Variants in TRIO observed in about 807,000 individuals in gnomAD.
TRIO encodes the protein triple functional domain protein.
TRIO carries 58 observed loss-of-function variants against 351.9 expected under a neutral mutation model. The observed-to-expected ratio is 0.16, with a 90% CI of 0.13 to 0.21. The LOEUF is 0.21. Among genes scored for constraint, TRIO ranks in the 10% least tolerant of loss-of-function variants. TRIO has a pLI of 1.00. For missense variants in TRIO, 3,201 were observed against 4,027.8 expected (o/e 0.79, Z 5.56); for synonymous variants, 1,758 against 1,595.7 (o/e 1.10, Z -2.42).
chr5:14,300,819 C>G (rs918483300), intron 7 of TRIO, among the ~76,000 whole-genome samples: 2 of 152,256 alleles, frequency 1.3e-5, no homozygotes, highest in South Asian at 4.1e-4. Context: ...TTCACACTTG[C>G]ATTAATATTC....
intron 10 of TRIO, among the ~76,000 whole-genome samples, chr5:14,334,409 C>A (rs552479802): frequency 6.6e-6 from 1 of 152,134 alleles, no homozygotes; most frequent in Non-Finnish European, 1.5e-5. Flanking sequence ...GGCTGTTTCA[C>A]GTCTCAGATC....
At position 14,502,513 on chromosome 5, in the gene TRIO, C is replaced by T. The variant is rs565896198; in HGVS notation, c.8333-66C>T. The T allele has an allele frequency of 1.2e-4, 182 of 1,552,632 alleles. No individual in the cohort carries two copies. In the African/African-American group the frequency reaches 2.0e-3, roughly 17 times the overall value. ...AGCTGCTGTGAGGGACAGTGCGTGG[C>T]GATAGCCTTCTTACCCAAGAAGCTC... On this transcript the variant is annotated intron_variant, in intron 53 of 56. Transcript: ENST00000344204.
chr5:14,462,647 A>T, intron 35 of TRIO, 108 bp from the exon 36 acceptor site: 1 of 1,447,568 alleles, frequency 6.9e-7, no homozygotes, highest in Non-Finnish European at 9.4e-7. Flanking sequence ...TTTGTTCCTG[A>T]TTTCTGCCAT....
chr5:14,481,704 G>A, intron 45 of TRIO, 86 bp downstream of exon 45: 1 of 1,354,830 alleles, frequency 7.4e-7, no homozygotes, highest in Non-Finnish European at 1.0e-6. Flanking sequence ...CATAGAGAAA[G>A]CTGATCCTTT....
At chr5:14,226,119 C>G (rs1793007618) in intron 1 of TRIO, among the ~76,000 whole-genome samples, 1 of 152,048 alleles carries the variant, frequency 6.6e-6, no homozygotes, top group South Asian at 2.1e-4. Context: ...ACAGGAGAGG[C>G]AAGGAGGTGG....
At chr5:14,479,761 G>A (rs1755375482) in intron 42 of TRIO, among the ~76,000 whole-genome samples, 158 bp from the exon 43 acceptor site, 1 of 152,144 alleles carries the variant, frequency 6.6e-6, no homozygotes, top group Admixed American at 6.5e-5. Context: ...TGTAAAACTT[G>A]GAAATTCTGT....
chr5:14,318,025 G>A (rs1739528074), intron 9 of TRIO, among the ~76,000 whole-genome samples: 2 of 152,140 alleles, frequency 1.3e-5, no homozygotes, highest in Admixed American at 6.5e-5. Context: ...TATTTGGAAG[G>A]CTGAGGCAGG....
chr5:14,221,570 T>A (rs1247114787), intron 1 of TRIO, among the ~76,000 whole-genome samples: 2 of 152,170 alleles, frequency 1.3e-5, no homozygotes, highest in Non-Finnish European at 2.9e-5. Flanking sequence ...AAGAAGGTGA[T>A]TCCAGTCTCG....
Position 14,394,842 on chromosome 5 carries a change from GTATTT to G in TRIO, c.4311+719_4311+723del, listed in dbSNP as rs1747425424. Among the ~76,000 whole-genome samples the G allele has an allele frequency of 3.9e-5, 6 of 152,068 alleles. No individual in the cohort carries two copies. The South Asian group carries it at 1.2e-3, about 32-fold the overall frequency. On this transcript the variant is annotated intron_variant, in intron 28 of 56. Transcript: ENST00000344204. Reference sequence around the variant, plus strand: ...TTTGTGCTAAGAGTTGTCACAAAATGTATTTTATTTTTATATTATATATCATCAAT... The same window carrying G: ...TTTGTGCTAAGAGTTGTCACAAAATGTATTTTTATATTATATATCATCAAT...
intron 48 of TRIO, among the ~76,000 whole-genome samples, chr5:14,491,584 A>G (rs1354071897): frequency 2.0e-5 from 3 of 152,074 alleles, no homozygotes; most frequent in Admixed American, 6.5e-5. Context: ...TGGGACAAAC[A>G]CTGCCGTTTG....
At chr5:14,358,550 T>G (rs1256623284) in intron 12 of TRIO, among the ~76,000 whole-genome samples, 1 of 152,190 alleles carries the variant, frequency 6.6e-6, no homozygotes, top group Non-Finnish European at 1.5e-5. Context: ...CCTTACAGTT[T>G]TAACTTCATA....
intron 7 of TRIO, among the ~76,000 whole-genome samples, chr5:14,298,878 C>T (rs904308771): frequency 6.6e-6 from 1 of 152,162 alleles, no homozygotes; most frequent in Non-Finnish European, 1.5e-5. Context: ...ACTGCTTCAG[C>T]GTAAATAAAA....
intron 31 of TRIO, among the ~76,000 whole-genome samples, chr5:14,404,956 C>T (rs577982402): frequency 2.0e-4 from 30 of 151,852 alleles, no homozygotes; most frequent in African/African-American, 3.4e-4. Flanking sequence ...TGAGTTATGA[C>T]GGGTTAATTA....
intron 20 of TRIO, 54 bp from the exon 21 acceptor site, chr5:14,381,076 G>A: frequency 6.4e-7 from 1 of 1,558,530 alleles, no homozygotes; most frequent in Non-Finnish European, 8.6e-7. Context: ...GGGGCTTTGG[G>A]CTCCTCTCAG....
intron 11 of TRIO, among the ~76,000 whole-genome samples, chr5:14,337,957 A>G (rs944823300): frequency 5.9e-5 from 9 of 152,214 alleles, no homozygotes; most frequent in African/African-American, 1.9e-4. Flanking sequence ...AAACTGGCAC[A>G]GCTAACTTCT....
At chr5:14,389,228 C>T in intron 24 of TRIO, 61 bp from the exon 25 acceptor site, 1 of 1,277,570 alleles carries the variant, frequency 7.8e-7, no homozygotes, top group East Asian at 2.5e-5. Context: ...ATGTCAGAAA[C>T]AGCTGTTTCT....
chr5:14,399,287 G>T, intron 30 of TRIO: 1 of 545,400 alleles, frequency 1.8e-6, no homozygotes. Flanking sequence ...TAGGAAACTT[G>T]CTCTTCTTAA....
chr5:14,368,971 A>G (rs1360606520), intron 17 of TRIO, 72 bp downstream of exon 17: 3 of 1,508,982 alleles, frequency 2.0e-6, no homozygotes, highest in Non-Finnish European at 1.8e-6. Context: ...GGACAGCTCA[A>G]TCATTGTTAA....
intron 34 of TRIO, among the ~76,000 whole-genome samples, chr5:14,422,505 G>A (rs1015718926): frequency 1.2e-4 from 19 of 152,140 alleles, no homozygotes; most frequent in Admixed American, 5.9e-4. Flanking sequence ...ATTTGCTTGC[G>A]AATAATAAGC....
Sources: gnomAD v4.1 joint callset for allele counts (sites outside exome capture counted in the v4.1 genomes callset) on GRCh38, gnomAD v4.1.1 for gene constraint, MANE v1.5 for transcripts, NCBI Gene and HGNC (gene_info 2026-07-23, HGNC 2026-07-21) for gene names.